KCNIP4: variants seen among roughly 807,000 people sequenced by gnomAD.
KCNIP4 encodes the protein potassium voltage-gated channel interacting protein 4.
KCNIP4 carries 12 observed loss-of-function variants against 34.0 expected under a neutral mutation model. That is an observed-to-expected ratio of 0.35 (90% CI 0.23 to 0.57). The LOEUF is 0.57. KCNIP4 is among the 20% of genes least tolerant of loss of function. The pLI is 0.83. For synonymous variants in KCNIP4, 124 were observed against 102.2 expected (o/e 1.21, Z -1.29); for missense variants, 238 against 311.7 (o/e 0.76, Z 1.78).
intron 1 of KCNIP4, among the ~76,000 whole-genome samples, chr4:21,091,880 G>C (rs993220254): frequency 6.6e-6 from 1 of 152,150 alleles, no homozygotes; most frequent in Admixed American, 6.5e-5. Context: ...TTGAAGGTTT[G>C]ATTTCAACAT....
chr4:21,246,820 C>T (rs531203127), intron 1 of KCNIP4, among the ~76,000 whole-genome samples: 2 of 152,158 alleles, frequency 1.3e-5, no homozygotes, highest in East Asian at 3.9e-4. Context: ...TAAAATTGGA[C>T]CTAATTTTTC....
At chr4:21,193,960 C>T (rs918857703) in intron 1 of KCNIP4, among the ~76,000 whole-genome samples, 1 of 152,126 alleles carries the variant, frequency 6.6e-6, no homozygotes, top group African/African-American at 2.4e-5. Flanking sequence ...GCAAGTCAAT[C>T]GTTTAAGCTT....
At chr4:21,346,191 A>AGAAT (rs1560311340) in intron 1 of KCNIP4, among the ~76,000 whole-genome samples, 1 of 89,672 alleles carries the variant, frequency 1.1e-5, no homozygotes, top group African/African-American at 4.3e-5. Context: ...TATTATATAT[A>AGAAT]TAGAATTATA....
At chr4:20,908,607 A>C (rs1728027947) in intron 1 of KCNIP4, among the ~76,000 whole-genome samples, 1 of 152,220 alleles carries the variant, frequency 6.6e-6, no homozygotes, top group Admixed American at 6.5e-5. Flanking sequence ...TGCCATTTTC[A>C]AAAGAGAACA....
intron 1 of KCNIP4, among the ~76,000 whole-genome samples, chr4:21,585,744 T>C (rs1741564214): frequency 6.6e-6 from 1 of 151,822 alleles, no homozygotes; most frequent in Non-Finnish European, 1.5e-5. Flanking sequence ...TGAGAGGAAA[T>C]TCCAAGAAGC....
chr4:21,073,712 G>T (rs1053593195), intron 1 of KCNIP4, among the ~76,000 whole-genome samples: 4 of 152,044 alleles, frequency 2.6e-5, no homozygotes, highest in Non-Finnish European at 4.4e-5. Flanking sequence ...CCTGTCTTGC[G>T]CCAGTTTTTA....
intron 3 of KCNIP4, 38 bp downstream of exon 3, chr4:20,850,505 G>C: frequency 6.2e-7 from 1 of 1,602,690 alleles, no homozygotes; most frequent in Non-Finnish European, 8.5e-7. Context: ...GCTCCTCTGG[G>C]AATTGTGTGA....
chr4:21,016,929 C>T (rs750470563), intron 1 of KCNIP4, among the ~76,000 whole-genome samples: 3 of 152,098 alleles, frequency 2.0e-5, no homozygotes, highest in African/African-American at 2.4e-5. Context: ...CAAAATGGTG[C>T]CTTCCAGAGG....
chr4:20,822,652 G>A (rs1044908581), intron 3 of KCNIP4, among the ~76,000 whole-genome samples: 3 of 152,164 alleles, frequency 2.0e-5, no homozygotes, highest in African/African-American at 7.2e-5. Context: ...GCTGGAACAA[G>A]TTACAATCTT....
chr4:21,841,957 G>A (rs1416960154), intron 1 of KCNIP4, among the ~76,000 whole-genome samples: 1 of 152,116 alleles, frequency 6.6e-6, no homozygotes, highest in African/African-American at 2.4e-5. Context: ...CAGCAGCAAA[G>A]TCTATGCTGA....
intron 1 of KCNIP4, among the ~76,000 whole-genome samples, chr4:21,622,320 A>G (rs1398096907): frequency 6.6e-6 from 1 of 152,204 alleles, no homozygotes; most frequent in African/African-American, 2.4e-5. Context: ...AATTGAGGTC[A>G]TAATTGGCTG....
At chr4:20,781,518 A>C (rs894564944) in intron 3 of KCNIP4, among the ~76,000 whole-genome samples, 1 of 152,230 alleles carries the variant, frequency 6.6e-6, no homozygotes, top group African/African-American at 2.4e-5. Flanking sequence ...AGGCCTCAGA[A>C]TCATGGCAGG....
intron 1 of KCNIP4, among the ~76,000 whole-genome samples, chr4:21,765,801 A>T (rs1718368231): frequency 7.4e-6 from 1 of 135,586 alleles, no homozygotes; most frequent in African/African-American, 2.8e-5. Context: ...GGACCCAGAG[A>T]TCTTAGCACC....
chr4:21,036,601 C>A (rs535582855), intron 1 of KCNIP4, among the ~76,000 whole-genome samples: 9 of 152,186 alleles, frequency 5.9e-5, no homozygotes, highest in Non-Finnish European at 1.0e-4. Context: ...GGGTGTGTGC[C>A]TGTAGTCCCA....
At chr4:21,432,666 C>A (rs983354677) in intron 1 of KCNIP4, among the ~76,000 whole-genome samples, 1 of 152,030 alleles carries the variant, frequency 6.6e-6, no homozygotes, top group African/African-American at 2.4e-5. Flanking sequence ...GGTGAAAAAC[C>A]AGACATAAAA....
chr4:21,312,788 T>A (rs922851288), intron 1 of KCNIP4, among the ~76,000 whole-genome samples: 1 of 152,196 alleles, frequency 6.6e-6, no homozygotes, highest in Admixed American at 6.5e-5. Context: ...GGACTGTGAA[T>A]GATCCCACAC....
intron 1 of KCNIP4, among the ~76,000 whole-genome samples, chr4:21,767,292 A>C (rs917822709): frequency 1.3e-5 from 2 of 152,064 alleles, no homozygotes; most frequent in African/African-American, 4.8e-5. Flanking sequence ...GACTTATTGC[A>C]AGAATGATGG....
rs1315601368 is a variant in KCNIP4 at position 21,537,326 on chromosome 4, C to T, written c.61+411245G>A. ...GTGGCTTTAATGTGTAAAACTGCTG[C>T]TTATGGATAGTGGCGATGGGTGATG... On this transcript the variant is annotated intron_variant, in intron 1 of 8. Coordinates refer to ENST00000382152, the MANE Select transcript of KCNIP4 (RefSeq NM_025221.6). Among the ~76,000 whole-genome samples the T allele has an allele frequency of 2.0e-5, 3 of 152,162 alleles. No homozygotes were observed. The East Asian group carries it at 5.8e-4, about 29-fold the overall frequency.
intron 1 of KCNIP4, among the ~76,000 whole-genome samples, chr4:21,915,883 C>T (rs550205275): frequency 1.7e-3 from 258 of 152,292 alleles, no homozygotes; most frequent in Non-Finnish European, 3.2e-3. Flanking sequence ...GCCCTTTCTG[C>T]CCTTTGTAAA....
Sources: gnomAD v4.1 joint callset for allele counts (sites outside exome capture counted in the v4.1 genomes callset) on GRCh38, gnomAD v4.1.1 for gene constraint, MANE v1.5 for transcripts, NCBI Gene and HGNC (gene_info 2026-07-23, HGNC 2026-07-21) for gene names.